RSPO3: variants seen among roughly 807,000 people sequenced by gnomAD.
RSPO3 encodes the protein R-spondin-3.
Under a neutral mutation model 36.5 loss-of-function variants are expected in RSPO3, and 17 were observed. The observed-to-expected ratio is 0.47, with a 90% CI of 0.32 to 0.70. RSPO3 has a LOEUF of 0.70. Ranked by LOEUF, RSPO3 falls within the 30% of genes least tolerant of loss-of-function variation. The pLI, the probability that RSPO3 is intolerant of heterozygous loss-of-function variation, is 0.04. For missense variants in RSPO3, 294 were observed against 322.5 expected, an observed-to-expected ratio of 0.91 and a Z score of 0.68; for synonymous variants, 108 against 107.0, an observed-to-expected ratio of 1.01 and a Z score of -0.06.
At chr6:127,140,235 C>G (rs564208344) in intron 1 of RSPO3, among the ~76,000 whole-genome samples, 1 of 152,186 alleles carries the variant, frequency 6.6e-6, no homozygotes, top group South Asian at 2.1e-4. Context: ...TAGAAAAATA[C>G]AAGAAAAGAT....
chr6:127,135,926 C>CAA (rs5879836), intron 1 of RSPO3, among the ~76,000 whole-genome samples: 4 of 115,018 alleles, frequency 3.5e-5, no homozygotes, highest in Non-Finnish European at 5.5e-5. Context: ...GACCCTGCCT[C>CAA]AAAAAAAAAA....
At chr6:127,122,653 C>T (rs1489559094) in intron 1 of RSPO3, among the ~76,000 whole-genome samples, 2 of 152,132 alleles carry the variant, frequency 1.3e-5, no homozygotes, top group Non-Finnish European at 2.9e-5. Context: ...GAGAAGATAT[C>T]AGGTTTATTA....
chr6:127,182,578 A>C (rs181692736), intron 4 of RSPO3, among the ~76,000 whole-genome samples: 81 of 152,050 alleles, frequency 5.3e-4, no homozygotes, highest in African/African-American at 1.9e-3. Flanking sequence ...CATTTCCTTT[A>C]ATTTTCAGCT....
chr6:127,197,681 T>G lies in RSPO3; in HGVS notation c.*1674T>G. ...TCTCTGGACACCCGTTCTCCACCAG[T>G]TGTACAGTTCATGTAATCTACTTGG... On this transcript the variant is annotated 3_prime_UTR_variant, in exon 5 of 5. Transcript: ENST00000356698. The G allele has an allele frequency of 1.2e-6, 1 of 832,408 alleles. No homozygotes were observed. The highest frequency in any genetic ancestry group is 1.8e-6 in the Non-Finnish European group (1 of 556,414). The allele number at this position is 832,408 out of a possible 1,614,324, so 51.6% of individuals were successfully genotyped here.
rs1344281190 is a variant in RSPO3, at chr6:127,196,154, T to G, written c.*147T>G. 1 of 565,568 alleles carries G rather than the reference T, an allele frequency of 1.8e-6. No homozygotes were observed. Among genetic ancestry groups the G allele is most frequent in the African/African-American group, 1.9e-5 (1 of 52,680 alleles). The allele number at this position is 565,568 out of a possible 1,614,324, so 35.0% of individuals were successfully genotyped here. Reference sequence around the variant, plus strand: ...TTCCCAGTAGTTGCTATATTCTTCATACAAGCATAGTTAACAACAAAGAGC... The same window carrying G: ...TTCCCAGTAGTTGCTATATTCTTCAGACAAGCATAGTTAACAACAAAGAGC... On this transcript the variant is annotated 3_prime_UTR_variant, in exon 5 of 5. Transcript: ENST00000356698.
At chr6:127,122,440 C>T (rs1773864332) in intron 1 of RSPO3, among the ~76,000 whole-genome samples, 1 of 152,272 alleles carries the variant, frequency 6.6e-6, no homozygotes, top group Non-Finnish European at 1.5e-5. Context: ...TGGGGCCTCA[C>T]ATTTTCACGT....
intron 3 of RSPO3, among the ~76,000 whole-genome samples, chr6:127,154,483 G>C (rs889378868): frequency 7.9e-5 from 12 of 152,142 alleles, no homozygotes; most frequent in African/African-American, 2.7e-4. Flanking sequence ...CACTTGGTCA[G>C]GTTAATTTTA....
intron 1 of RSPO3, among the ~76,000 whole-genome samples, chr6:127,125,178 T>C (rs1006383225): frequency 3.3e-5 from 5 of 152,138 alleles, no homozygotes; most frequent in African/African-American, 1.2e-4. Flanking sequence ...AGAATATGAT[T>C]GTCCAATTAA....
At chr6:127,164,306 GA>G in intron 4 of RSPO3, among the ~76,000 whole-genome samples, 1 of 152,004 alleles carries the variant, frequency 6.6e-6, no homozygotes, top group East Asian at 1.9e-4. Flanking sequence ...AAACACAACA[GA>G]TGTAAATCAT....
intron 1 of RSPO3, among the ~76,000 whole-genome samples, chr6:127,127,910 C>T (rs1369821199): frequency 6.6e-6 from 1 of 152,014 alleles, no homozygotes; most frequent in East Asian, 1.9e-4. Context: ...CTCTACATCG[C>T]TTTCTTTTCC....
At chr6:127,151,573 A>T (rs1774491865) in intron 3 of RSPO3, among the ~76,000 whole-genome samples, 1 of 152,042 alleles carries the variant, frequency 6.6e-6, no homozygotes, top group Admixed American at 6.6e-5. Flanking sequence ...GGTCCCTTAG[A>T]ATCTAAAGGG....
chr6:127,176,950 A>G (rs541712590), intron 4 of RSPO3, among the ~76,000 whole-genome samples: 25 of 151,796 alleles, frequency 1.6e-4, no homozygotes, highest in African/African-American at 6.0e-4. Flanking sequence ...CCTTATTGAG[A>G]TTCAAAACCT....
intron 1 of RSPO3, among the ~76,000 whole-genome samples, chr6:127,138,188 A>C (rs973075630): frequency 1.3e-5 from 2 of 151,948 alleles, no homozygotes; most frequent in African/African-American, 4.8e-5. Context: ...AAGTTTTAGA[A>C]TCTTTAGACC....
intron 4 of RSPO3, among the ~76,000 whole-genome samples, chr6:127,181,967 A>G (rs1775196569): frequency 6.6e-6 from 1 of 151,878 alleles, no homozygotes; most frequent in Non-Finnish European, 1.5e-5. Context: ...GAAGCATGGC[A>G]CCAGTATCTG....
At chr6:127,185,568 A>G (rs866439645) in intron 4 of RSPO3, among the ~76,000 whole-genome samples, 3 of 152,088 alleles carry the variant, frequency 2.0e-5, no homozygotes, top group Admixed American at 1.3e-4. Flanking sequence ...TTAAACCATC[A>G]CTATAAACAT....
chr6:127,135,150 G>A (rs544422644), intron 1 of RSPO3, among the ~76,000 whole-genome samples: 187 of 152,234 alleles, frequency 1.2e-3, no homozygotes, highest in Non-Finnish European at 2.1e-3. Context: ...GGCCAGGTGC[G>A]GTGGCTCACG....
intron 4 of RSPO3, among the ~76,000 whole-genome samples, chr6:127,194,620 A>G (rs1209394330): frequency 6.6e-6 from 1 of 152,208 alleles, no homozygotes; most frequent in Non-Finnish European, 1.5e-5. Context: ...CTTCGATCAA[A>G]TTATTCTCTT....
intron 1 of RSPO3, among the ~76,000 whole-genome samples, chr6:127,127,774 C>T (rs1297289005): frequency 6.6e-6 from 1 of 151,874 alleles, no homozygotes; most frequent in Non-Finnish European, 1.5e-5. Flanking sequence ...TTTCTAAATT[C>T]CACCCACTCT....
At position 127,196,079 on chromosome 6, in the gene RSPO3, C is replaced by A; in HGVS notation, c.*72C>A. Reference sequence around the variant, plus strand: ...CAGATGCCCAGGACAGGTGCTCTAGCCATTAGGACCACAAATGGACATGTC... The same window carrying A: ...CAGATGCCCAGGACAGGTGCTCTAGACATTAGGACCACAAATGGACATGTC... On this transcript the variant is annotated 3_prime_UTR_variant, in exon 5 of 5. Coordinates refer to ENST00000356698, the MANE Select transcript of RSPO3 (RefSeq NM_032784.5). 1 of 1,257,578 alleles carries A rather than the reference C, an allele frequency of 8.0e-7. No individual in the cohort carries two copies. The highest frequency in any genetic ancestry group is 1.1e-6 in the Non-Finnish European group (1 of 924,224). The allele number at this position is 1,257,578 out of a possible 1,614,324, so 77.9% of individuals were successfully genotyped here.
Sources: gnomAD v4.1 joint callset for allele counts (sites outside exome capture counted in the v4.1 genomes callset) on GRCh38, gnomAD v4.1.1 for gene constraint, MANE v1.5 for transcripts, NCBI Gene and HGNC (gene_info 2026-07-23, HGNC 2026-07-21) for gene names.